Variants in SLC35F1 observed in about 807,000 individuals in gnomAD.
SLC35F1 encodes solute carrier family 35 member F1, also known as chromosome 6 open reading frame 169.
A neutral mutation model predicts 48.7 loss-of-function variants in SLC35F1; 14 were observed. The observed-to-expected ratio is 0.29, with a 90% CI of 0.19 to 0.45. The LOEUF is 0.45. SLC35F1 is among the 20% of genes least tolerant of loss of function. The pLI, the probability that SLC35F1 is intolerant of heterozygous loss-of-function variation, is 1.00. For missense variants in SLC35F1, 404 were observed against 500.0 expected, an observed-to-expected ratio of 0.81 and a Z score of 1.83; for synonymous variants, 190 against 202.2, an observed-to-expected ratio of 0.94 and a Z score of 0.51.
intron 1 of SLC35F1, among the ~76,000 whole-genome samples, chr6:117,913,785 C>T (rs1488427893): frequency 6.6e-6 from 1 of 152,080 alleles, no homozygotes; most frequent in African/African-American, 2.4e-5. Flanking sequence ...GGGGCGGTGG[C>T]TCACAACTGT....
chr6:118,100,594 A>G (rs1389472803), intron 1 of SLC35F1, among the ~76,000 whole-genome samples: 5 of 152,208 alleles, frequency 3.3e-5, no homozygotes, highest in Non-Finnish European at 7.3e-5. Context: ...GGGGGTTTCA[A>G]ATGTGAAGCT....
intron 1 of SLC35F1, among the ~76,000 whole-genome samples, chr6:117,940,446 C>T (rs1030625046): frequency 3.9e-5 from 6 of 152,044 alleles, no homozygotes; most frequent in African/African-American, 7.2e-5. Context: ...GCATAACTGA[C>T]GTATAAAAAT....
chr6:117,993,866 G>A (rs1776951338), intron 1 of SLC35F1, among the ~76,000 whole-genome samples: 1 of 152,178 alleles, frequency 6.6e-6, no homozygotes, highest in Admixed American at 6.5e-5. Flanking sequence ...AAATGCAAGT[G>A]TGTTCATTTT....
chr6:118,245,401 C>T (rs1437471160), intron 3 of SLC35F1, among the ~76,000 whole-genome samples: 4 of 152,144 alleles, frequency 2.6e-5, no homozygotes, highest in Non-Finnish European at 5.9e-5. Context: ...TTTGTGTGAC[C>T]TTGTGGCCTG....
chr6:117,954,184 G>A (rs1776397866), intron 1 of SLC35F1, among the ~76,000 whole-genome samples: 1 of 152,212 alleles, frequency 6.6e-6, no homozygotes, highest in Non-Finnish European at 1.5e-5. Flanking sequence ...CAGTGAGAGA[G>A]CCAGTTGAAC....
At chr6:118,095,887 A>T (rs1773169273) in intron 1 of SLC35F1, among the ~76,000 whole-genome samples, 1 of 152,130 alleles carries the variant, frequency 6.6e-6, no homozygotes, top group Admixed American at 6.5e-5. Flanking sequence ...AATGTCACAC[A>T]CACAGTTCAG....
chr6:117,999,254 G>A (rs900208925), intron 1 of SLC35F1: 25 of 1,595,924 alleles, frequency 1.6e-5, no homozygotes, highest in African/African-American at 4.0e-5. Context: ...CTGCAAGCTC[G>A]ATCGACATGC....
chr6:118,147,495 A>C (rs956467465), intron 1 of SLC35F1, among the ~76,000 whole-genome samples: 1 of 152,162 alleles, frequency 6.6e-6, no homozygotes, highest in African/African-American at 2.4e-5. Context: ...AAAAGGATGA[A>C]TATTGAAAGG....
chr6:117,963,460 T>C (rs1414684172), intron 1 of SLC35F1, among the ~76,000 whole-genome samples: 1 of 152,134 alleles, frequency 6.6e-6, no homozygotes, highest in Non-Finnish European at 1.5e-5. Flanking sequence ...ATGTGCGCAT[T>C]CTAAGGGTAA....
chr6:118,067,528 G>A (rs981555766), intron 1 of SLC35F1, among the ~76,000 whole-genome samples: 1 of 152,122 alleles, frequency 6.6e-6, no homozygotes, highest in Non-Finnish European at 1.5e-5. Flanking sequence ...TGTGCTTAGC[G>A]TGATGCAAGA....
chr6:118,262,147 T>G (rs1330691712), intron 3 of SLC35F1, among the ~76,000 whole-genome samples: 1 of 152,054 alleles, frequency 6.6e-6, no homozygotes, highest in Non-Finnish European at 1.5e-5. Context: ...ATGACCGTGT[T>G]TGAGGGGGCT....
chr6:118,212,639 G>A (rs1775013846), intron 2 of SLC35F1, among the ~76,000 whole-genome samples: 1 of 151,466 alleles, frequency 6.6e-6, no homozygotes, highest in East Asian at 1.9e-4. Flanking sequence ...GCAGTGAGGT[G>A]ACATCGCTCC....
intron 2 of SLC35F1, among the ~76,000 whole-genome samples, chr6:118,177,755 C>T (rs1026710893): frequency 1.3e-5 from 2 of 151,948 alleles, no homozygotes; most frequent in African/African-American, 2.4e-5. Flanking sequence ...TGTTCTACAT[C>T]GTTTTTGTTT....
At chr6:117,983,912 A>G (rs1406338267) in intron 1 of SLC35F1, among the ~76,000 whole-genome samples, 1 of 152,186 alleles carries the variant, frequency 6.6e-6, no homozygotes, top group Non-Finnish European at 1.5e-5. Context: ...TAGACTAGCT[A>G]AAGATGGAAG....
intron 1 of SLC35F1, among the ~76,000 whole-genome samples, chr6:118,102,358 A>T: frequency 6.6e-6 from 1 of 151,946 alleles, no homozygotes; most frequent in Middle Eastern, 3.4e-3. Context: ...TAAGTTTTAA[A>T]TTTTTTTTAG....
chr6:118,106,099 T>G (rs985801694), intron 1 of SLC35F1, among the ~76,000 whole-genome samples: 1 of 152,106 alleles, frequency 6.6e-6, no homozygotes, highest in Non-Finnish European at 1.5e-5. Context: ...CAACTAAGTA[T>G]TGGTAATATA....
chr6:117,963,192 A>C, intron 1 of SLC35F1, among the ~76,000 whole-genome samples: 1 of 152,214 alleles, frequency 6.6e-6, no homozygotes, highest in East Asian at 1.9e-4. Context: ...GCCCAAGTAC[A>C]TCATTGCTGA....
chr6:118,287,622 T>G (rs1776066783), intron 7 of SLC35F1, among the ~76,000 whole-genome samples: 1 of 152,206 alleles, frequency 6.6e-6, no homozygotes, highest in Admixed American at 6.5e-5. Flanking sequence ...GGAGTCTGGT[T>G]GGTAACATGT....
Position 118,267,121 on chromosome 6 carries a change from G to C in SLC35F1, c.604G>C (p.Ala202Pro). The C allele has an allele frequency of 6.2e-7, 1 of 1,613,998 alleles. No individual in the cohort carries two copies. Among genetic ancestry groups the C allele is most frequent in the Non-Finnish European group, 8.5e-7 (1 of 1,179,900 alleles). ...CCTGGGAATGGGCTGCATGGTGGGA[G>C]CAGATGTGCTTGTGGGAAGACATCA... ...CILGMGCMVGADVLVGRHQGA... is the reference protein window; with the variant it reads ...CILGMGCMVGPDVLVGRHQGA... The change falls in exon 4 of 8, where the codon GCA becomes CCA. Residue 202 changes from alanine (A) to proline (P), a missense_variant. Physicochemically the swap from Ala to Pro is conservative, Grantham distance 27. Transcript: ENST00000360388.
Sources: allele counts gnomAD v4.1 joint callset (sites outside exome capture counted in the v4.1 genomes callset), GRCh38; gene constraint gnomAD v4.1.1; transcripts MANE v1.5; gene names NCBI Gene and HGNC (gene_info 2026-07-23, HGNC 2026-07-21).